Variants in VPS8 observed in about 807,000 individuals in gnomAD.
The protein encoded by VPS8 is vacuolar protein sorting-associated protein 8 homolog.
In VPS8, 129 loss-of-function variants were observed where a neutral mutation model predicts 216.4. The observed-to-expected ratio is 0.60, with a 90% CI of 0.52 to 0.69. The LOEUF (loss-of-function observed/expected upper bound fraction) is 0.69. Ranked by LOEUF, VPS8 falls within the 30% of genes least tolerant of loss-of-function variation. The pLI, the probability that VPS8 is intolerant of heterozygous loss-of-function variation, is 0.00. For synonymous variants in VPS8, 571 were observed against 565.4 expected (o/e 1.01, Z -0.14); for missense variants, 1,531 against 1,683.5 (o/e 0.91, Z 1.59).
Position 184,852,534 on chromosome 3 carries a change from A to T in VPS8, c.788A>T (p.Asp263Val), listed in dbSNP as rs774732839. ...GATCCAACTCTTGCAATTTGCAACG[A>T]CAGCGGAGGCTCTGTTTTTGAATTG... Reference protein sequence around the residue: ...TDDPTLAICNDSGGSVFELTF... With the variant: ...TDDPTLAICNVSGGSVFELTF... Residue 263 changes from aspartate to valine, a missense_variant, in exon 11 of 48, where the codon GAC becomes GTC. Asp to Val is a radical substitution (Grantham distance 152). Transcript: ENST00000625842. 6.2e-7 allele frequency: 1 copy of T among 1,613,720 alleles called. No individual in the cohort carries two copies. The highest frequency in any genetic ancestry group is 8.5e-7 in the Non-Finnish European group (1 of 1,179,736).
chr3:184,826,276 A>G (rs748114202), intron 3 of VPS8, 45 bp downstream of exon 3: 6 of 1,511,150 alleles, frequency 4.0e-6, no homozygotes, highest in Non-Finnish European at 4.5e-6. Context: ...TGTGGCATTC[A>G]TCTTAATACT....
Position 184,824,580 on chromosome 3 carries a change from A to G in VPS8, c.-53A>G, listed in dbSNP as rs1231861470. The G allele has an allele frequency of 1.9e-6, 3 of 1,567,440 alleles. No homozygotes were observed. The African/African-American group carries it at 4.1e-5, about 21-fold the overall frequency. ...TCAGGTCTTCGTGAGCTAAGGCCAA[A>G]CAAACAAAAAACACTTGCTTTGATG... On this transcript the variant is annotated 5_prime_UTR_variant, in exon 2 of 48. Transcript: ENST00000625842.
chr3:184,896,418 A>G (rs1413296446), intron 23 of VPS8, among the ~76,000 whole-genome samples: 1 of 152,162 alleles, frequency 6.6e-6, no homozygotes, highest in Non-Finnish European at 1.5e-5. Context: ...TTATGTCTCC[A>G]TATCAAGACT....
rs759407028 is a variant in VPS8, at chr3:184,849,168, A to C, written c.639A>C (p.Arg213Ser). ...TCAGTATCAACAATGATTGCTCAAG[A>C]CTTCTTTGTGGCTTTGCTAAAGGAC... Reference protein sequence around the residue: ...SALSINNDCSRLLCGFAKGQI... With the variant: ...SALSINNDCSSLLCGFAKGQI... The change falls in exon 9 of 48, where the codon AGA (arginine) becomes AGC (serine). Residue 213 changes from arginine (R) to serine (S), a missense_variant. Around this residue, in one of 3 missense-constraint regions of VPS8, gnomAD observed 1,318 missense variants for 1,468.4 expected, o/e 0.90. Coordinates refer to ENST00000625842, the MANE Select transcript of VPS8 (RefSeq NM_001009921.3). The C allele has an allele frequency of 6.2e-7, 1 of 1,613,516 alleles. No individual in the cohort carries two copies. The highest frequency in any genetic ancestry group is 8.5e-7 in the Non-Finnish European group (1 of 1,179,580).
intron 45 of VPS8, among the ~76,000 whole-genome samples, chr3:185,016,360 A>G (rs1050051522): frequency 6.6e-6 from 1 of 152,222 alleles, no homozygotes; most frequent in Non-Finnish European, 1.5e-5. Context: ...TATTTCTCGA[A>G]TGGGGCAGCA....
intron 37 of VPS8, among the ~76,000 whole-genome samples, chr3:184,958,610 A>G (rs570924852): frequency 1.3e-5 from 2 of 152,336 alleles, no homozygotes; most frequent in Admixed American, 6.5e-5. Context: ...CAAAGTTAAT[A>G]TCAAGTTGTC....
chr3:184,963,084 T>C (rs998813133), intron 37 of VPS8, among the ~76,000 whole-genome samples: 2 of 152,276 alleles, frequency 1.3e-5, no homozygotes, highest in East Asian at 3.9e-4. Flanking sequence ...AGCTTTTCAA[T>C]AGATTTATTA....
chr3:184,874,520 T>C (rs114778241), intron 21 of VPS8, among the ~76,000 whole-genome samples: 367 of 152,156 alleles, frequency 2.4e-3, no homozygotes, highest in South Asian at 0.015. Context: ...TCATCATGAG[T>C]TGAAATTTAA....
chr3:184,870,690 T>G (rs1728174041), intron 20 of VPS8, 26 bp from the exon 21 acceptor site: 8 of 1,563,142 alleles, frequency 5.1e-6, no homozygotes, highest in Non-Finnish European at 7.0e-6. Context: ...TATTTTAATG[T>G]CTATGCCAGG....
intron 5 of VPS8, 58 bp from the exon 6 acceptor site, chr3:184,838,656 C>T: frequency 7.2e-7 from 1 of 1,390,594 alleles, no homozygotes. Context: ...AGCCATATAC[C>T]ATTTTCTGTT....
chr3:185,037,164 A>G lies in VPS8; in HGVS notation c.4057-11315A>G, dbSNP rs142711717. On this transcript the variant is annotated intron_variant, in intron 46 of 47. Coordinates refer to ENST00000625842, the MANE Select transcript of VPS8 (RefSeq NM_001009921.3). ...TAGTTCTTATAAGTCAGGTCTGCCT[A>G]TCAACAAATTCTCTCAGTTTTTGTT... Among the ~76,000 whole-genome samples, 603 of 151,896 alleles carry G rather than the reference A, an allele frequency of 4.0e-3. 2 individuals are homozygous for G. The highest frequency in any genetic ancestry group is 0.014 in the African/African-American group (566 of 41,408).
At position 184,922,641 on chromosome 3, in the gene VPS8, T is replaced by C. The variant is rs148267854; in HGVS notation, c.2455-2221T>C. Reference sequence around the variant, plus strand: ...GTGTTTATCTTGCGTCAATGAAGAATGAGATTTTGAGATTATTTTTTTCAT... The same window carrying C: ...GTGTTTATCTTGCGTCAATGAAGAACGAGATTTTGAGATTATTTTTTTCAT... On this transcript the variant is annotated intron_variant, in intron 29 of 47. Transcript: ENST00000625842. Among the ~76,000 whole-genome samples, 130 of 152,304 alleles carry C rather than the reference T, an allele frequency of 8.5e-4. 1 individual carries two copies. The East Asian group carries it at 0.023, about 26-fold the overall frequency.
chr3:184,974,803 C>T (rs2109672765), intron 40 of VPS8, among the ~76,000 whole-genome samples: 1 of 152,146 alleles, frequency 6.6e-6, no homozygotes, highest in East Asian at 1.9e-4. Context: ...ACACCATTTA[C>T]TGAAGAGGGT....
chr3:185,020,149 T>A (rs1428646554), intron 45 of VPS8, among the ~76,000 whole-genome samples: 2 of 152,230 alleles, frequency 1.3e-5, no homozygotes, highest in African/African-American at 4.8e-5. Flanking sequence ...TACAACATCT[T>A]AAAAAATAAT....
intron 25 of VPS8, among the ~76,000 whole-genome samples, chr3:184,907,616 C>T (rs1735724467): frequency 1.3e-5 from 2 of 152,122 alleles, no homozygotes; most frequent in South Asian, 4.1e-4. Context: ...CACCATGGTG[C>T]CATATTTTGG....
chr3:184,982,583 A>T lies in VPS8; in HGVS notation c.3438A>T (p.Leu1146Phe), dbSNP rs758876932. Residue 1146 changes from leucine to phenylalanine, a missense_variant, in exon 41 of 48, where the codon TTA (leucine) becomes TTT (phenylalanine). Transcript: ENST00000625842. ...QQQREALWFPLLEAMMAPQKL... is the reference protein window; with the variant it reads ...QQQREALWFPFLEAMMAPQKL... ...CATTATAGGCACTTTGGTTTCCGTT[A>T]TTGGAGGCAATGATGGCCCCTCAGA... The T allele has an allele frequency of 1.2e-6, 2 of 1,612,896 alleles. No individual in the cohort carries two copies. Among genetic ancestry groups the T allele is most frequent in the Non-Finnish European group, 8.5e-7 (1 of 1,179,562 alleles).
At chr3:184,969,422 C>A (rs1427494752) in intron 39 of VPS8, among the ~76,000 whole-genome samples, 3 of 92,212 alleles carry the variant, frequency 3.3e-5, no homozygotes, top group African/African-American at 1.5e-4. Flanking sequence ...AGCCCCACCC[C>A]CCCCCCTTTT....
chr3:184,830,641 TAATTC>T (rs1304368704), intron 3 of VPS8, among the ~76,000 whole-genome samples: 7 of 152,206 alleles, frequency 4.6e-5, no homozygotes, highest in Non-Finnish European at 8.8e-5. Context: ...AAGCCTGGCT[TAATTC>T]ATCTGATCCA....
chr3:184,964,116 T>G (rs1442557175), intron 37 of VPS8, among the ~76,000 whole-genome samples: 1 of 152,152 alleles, frequency 6.6e-6, no homozygotes, highest in African/African-American at 2.4e-5. Flanking sequence ...TGTAATGTTT[T>G]CATTGTCATT....
Sources: allele counts gnomAD v4.1 joint callset (sites outside exome capture counted in the v4.1 genomes callset), GRCh38; gene constraint gnomAD v4.1.1; regional missense constraint gnomAD v4.1.1; transcripts MANE v1.5; gene names NCBI Gene and HGNC (gene_info 2026-07-23, HGNC 2026-07-21).